TRPV1: variants seen among roughly 807,000 people sequenced by gnomAD.
TRPV1 encodes the protein transient receptor potential cation channel subfamily V member 1.
In TRPV1, 82 loss-of-function variants were observed where a neutral mutation model predicts 82.3. The observed-to-expected ratio is 1.00, with a 90% CI of 0.83 to 1.20. The LOEUF is 1.20. TRPV1 is among the 50% of genes most tolerant of loss of function. The pLI is 0.00. For missense variants in TRPV1, 1,067 were observed against 1,096.8 expected (o/e 0.97, Z 0.38); for synonymous variants, 515 against 467.7 (o/e 1.10, Z -1.30).
At position 3,589,979 on chromosome 17, in the gene TRPV1, GC is replaced by G; in HGVS notation, c.871del (p.Ala291ProfsTer16). 6.4e-7 allele frequency: 1 copy of G among 1,561,074 alleles called. No homozygotes were observed. The highest frequency in any genetic ancestry group is 8.7e-7 in the Non-Finnish European group (1 of 1,153,140). On this transcript the variant is annotated frameshift_variant, in exon 7 of 17. Coordinates refer to ENST00000572705, the MANE Select transcript of TRPV1 (RefSeq NM_080704.4). LOFTEE classifies it high-confidence loss of function. The stretch of plus-strand genomic sequence containing the variant: ...CGTGTTGTCGGCCACCTCCACCAGG[GC>G]GTGCAGCACCGTGTTGCCCACCGAG... The part of the protein sequence containing the change: ...RDSVGNTVLH[A>X]LVEVADNTAD...
intron 13 of TRPV1, among the ~76,000 whole-genome samples, chr17:3,574,932 A>AAAAAG (rs2074909821): frequency 6.6e-6 from 1 of 151,544 alleles, no homozygotes; most frequent in African/African-American, 2.4e-5. Flanking sequence ...AAAAAAAAAA[A>AAAAAG]AAAAAAAGAT....
chr17:3,595,343 G>C (rs2075209652), intron 2 of TRPV1, among the ~76,000 whole-genome samples: 1 of 152,154 alleles, frequency 6.6e-6, no homozygotes, highest in East Asian at 1.9e-4. Context: ...ACCCCAGGCA[G>C]GCTGGCTCCA....
At chr17:3,604,166 C>G (rs1346045722) in intron 2 of TRPV1, among the ~76,000 whole-genome samples, 1 of 152,204 alleles carries the variant, frequency 6.6e-6, no homozygotes, top group East Asian at 1.9e-4. Context: ...TTGGGCTGGG[C>G]CTTGGACAAG....
In TRPV1 at chr17:3,577,593, C is replaced by A; in HGVS notation, c.1713+5G>T. 1.3e-6 allele frequency: 2 copies of A among 1,570,850 alleles called. No homozygotes were observed. The highest frequency in any genetic ancestry group is 1.7e-6 in the Non-Finnish European group (2 of 1,158,176). ...AGGAGACCCACTGGGGCCCAGGGAA[C>A]CCACCTTCTCTATCATGACGGCATA... On this transcript the variant is annotated splice_donor_5th_base_variant and intron_variant, in intron 12 of 16. Coordinates refer to ENST00000572705, the MANE Select transcript of TRPV1 (RefSeq NM_080704.4).
chr17:3,592,683 C>T (rs1177092951), intron 2 of TRPV1: 1 of 319,466 alleles, frequency 3.1e-6, no homozygotes, highest in African/African-American at 2.1e-5. Flanking sequence ...CCCATCCCTC[C>T]TCGTCTCTGG....
At chr17:3,604,077 G>A (rs538149704) in intron 2 of TRPV1, among the ~76,000 whole-genome samples, 7 of 152,366 alleles carry the variant, frequency 4.6e-5, no homozygotes, top group Non-Finnish European at 7.3e-5. Flanking sequence ...ATGTTGAGCC[G>A]GGTCTTGGCC....
intron 8 of TRPV1, among the ~76,000 whole-genome samples, chr17:3,587,142 A>C (rs966176109): frequency 1.3e-5 from 2 of 152,256 alleles, no homozygotes; most frequent in South Asian, 4.1e-4. Flanking sequence ...CCCAGGTCAA[A>C]TACTGCAGTC....
rs1334120884 is a variant in TRPV1, at chr17:3,608,450, AG to A, written c.-58del. The A allele has an allele frequency of 2.6e-5, 4 of 152,082 alleles. No individual in the cohort carries two copies. Among genetic ancestry groups the A allele is most frequent in the Non-Finnish European group, 4.4e-5 (3 of 68,014 alleles). 9.4% of individuals were successfully genotyped at this position (152,082 alleles called of 1,614,324 possible). ...ACCTGAACAGAAGCACTGTGATACC[AG>A]GACGGGCGATCTGACGACTAAGTGA... On this transcript the variant is annotated 5_prime_UTR_variant, in exon 2 of 17. Transcript: ENST00000572705.
At chr17:3,580,931 AT>A (rs2150836444) in intron 10 of TRPV1, among the ~76,000 whole-genome samples, 1 of 151,910 alleles carries the variant, frequency 6.6e-6, no homozygotes, top group South Asian at 2.1e-4. Flanking sequence ...AGGCAAGAAA[AT>A]CGCTTGAACC....
At chr17:3,595,672 C>CGGAGCCTCCCA (rs2075212793) in intron 2 of TRPV1, 1 of 152,238 alleles carries the variant, frequency 6.6e-6, no homozygotes, top group Non-Finnish European at 1.5e-5. Context: ...ACCTGTTAGC[C>CGGAGCCTCCCA]GGAGCCTCCC....
intron 10 of TRPV1, 53 bp from the exon 11 acceptor site, chr17:3,580,580 T>C (rs2074994451): frequency 1.3e-6 from 2 of 1,579,010 alleles, no homozygotes; most frequent in Admixed American, 1.7e-5. Context: ...TGTGGCTAAA[T>C]GGTGAGCACT....
chr17:3,588,422 C>A, intron 7 of TRPV1, 55 bp from the exon 8 acceptor site: 1 of 1,527,770 alleles, frequency 6.5e-7, no homozygotes, highest in Non-Finnish European at 8.8e-7. Flanking sequence ...CAGCCTCAGA[C>A]AGTACCTCAA....
In TRPV1 at chr17:3,580,476, T is replaced by C. The variant is rs202106784; in HGVS notation, c.1528A>G (p.Ser510Gly). 5.0e-5 allele frequency: 80 copies of C among 1,614,048 alleles called. No homozygotes were observed. Among genetic ancestry groups the C allele is most frequent in the Non-Finnish European group, 6.4e-5 (76 of 1,179,906 alleles). Reference sequence around the variant, plus strand: ...ACTTACAAAAGCATCTCACTGTAGCTGTCCACAAACAGGGTCTTCATCGAC... The same window carrying C: ...ACTTACAAAAGCATCTCACTGTAGCCGTCCACAAACAGGGTCTTCATCGAC... ...RPSMKTLFVD[S>G]YSEMLFFLQS... The change falls in exon 11 of 17, where the codon AGC (serine) becomes GGC (glycine). Residue 510 changes from serine (S) to glycine (G), a missense_variant. Transcript: ENST00000572705.
intron 4 of TRPV1, 21 bp downstream of exon 4, chr17:3,591,166 C>G (rs201049172): frequency 4.4e-6 from 7 of 1,607,752 alleles, no homozygotes; most frequent in South Asian, 3.3e-5. Flanking sequence ...GGGCCCTCCC[C>G]GAGCCCAGCG....
At chr17:3,596,758 A>AC (rs918036930) in intron 2 of TRPV1, among the ~76,000 whole-genome samples, 1 of 151,940 alleles carries the variant, frequency 6.6e-6, no homozygotes, top group East Asian at 1.9e-4. Context: ...CACTCTTACT[A>AC]CCCCCCGTTT....
intron 2 of TRPV1, among the ~76,000 whole-genome samples, chr17:3,600,136 T>C (rs2075250330): frequency 6.6e-6 from 1 of 152,184 alleles, no homozygotes; most frequent in South Asian, 2.1e-4. Flanking sequence ...ATCTGTCATA[T>C]ATAAAAGACT....
chr17:3,593,713 G>T (rs1333843011), intron 2 of TRPV1, among the ~76,000 whole-genome samples: 1 of 152,138 alleles, frequency 6.6e-6, no homozygotes, highest in Non-Finnish European at 1.5e-5. Context: ...CCCACTGACC[G>T]CCTGTCCCAC....
At chr17:3,579,306 T>C (rs1174650005) in intron 11 of TRPV1, among the ~76,000 whole-genome samples, 2 of 151,992 alleles carry the variant, frequency 1.3e-5, no homozygotes, top group East Asian at 3.9e-4. Flanking sequence ...ACAAGCTAGC[T>C]GCAAGAGGAT....
chr17:3,608,607 G>A (rs2075315677), intron 1 of TRPV1, 42 bp from the exon 2 acceptor site: 1 of 152,230 alleles, frequency 6.6e-6, no homozygotes, highest in East Asian at 1.9e-4. Flanking sequence ...GGAACTGTTT[G>A]AAGAATTTTC....
Sources: allele counts gnomAD v4.1 joint callset (sites outside exome capture counted in the v4.1 genomes callset), GRCh38; gene constraint gnomAD v4.1.1; transcripts MANE v1.5; gene names NCBI Gene and HGNC (gene_info 2026-07-23, HGNC 2026-07-21).